SPOCK3: variants seen among roughly 807,000 people sequenced by gnomAD.
The protein encoded by SPOCK3 is SPARC (osteonectin), cwcv and kazal like domains proteoglycan 3.
In SPOCK3, 30 loss-of-function variants were observed where a neutral mutation model predicts 56.6. That is an observed-to-expected ratio of 0.53 (90% CI 0.40 to 0.72). SPOCK3 has a LOEUF of 0.72. Among genes scored for constraint, SPOCK3 ranks in the 30% least tolerant of loss-of-function variants. The pLI is 0.00. For synonymous variants in SPOCK3, 196 were observed against 183.3 expected (o/e 1.07, Z -0.56); for missense variants, 527 against 530.0 (o/e 0.99, Z 0.06).
chr4:166,999,162 C>T (rs1748697448), intron 4 of SPOCK3, among the ~76,000 whole-genome samples: 1 of 152,136 alleles, frequency 6.6e-6, no homozygotes, highest in Non-Finnish European at 1.5e-5. Context: ...CTTTCTCCTA[C>T]TCCCTCTCTC....
At chr4:166,893,755 T>C (rs971729015) in intron 5 of SPOCK3, among the ~76,000 whole-genome samples, 2 of 152,174 alleles carry the variant, frequency 1.3e-5, no homozygotes, top group African/African-American at 4.8e-5. Context: ...GAGTCACTTT[T>C]TTATTCCCCA....
chr4:167,122,232 T>C (rs1207106153), intron 2 of SPOCK3, among the ~76,000 whole-genome samples: 1 of 151,994 alleles, frequency 6.6e-6, no homozygotes, highest in African/African-American at 2.4e-5. Flanking sequence ...CACTGCAGCC[T>C]ACAGATTTGG....
rs566421569 is a variant in SPOCK3, at chr4:166,738,164, G to A, written c.995-560C>T. On this transcript the variant is annotated intron_variant, in intron 9 of 10. Transcript: ENST00000357545. The stretch of plus-strand genomic sequence containing the variant: ...TTCCACTTTAAGATTTGACATAAAT[G>A]TGACCCACAATTTAAAGTCTTCCTC... Among the ~76,000 whole-genome samples, 200 of 152,176 alleles carry A rather than the reference G, an allele frequency of 1.3e-3. 2 individuals are homozygous for A. The highest frequency in any genetic ancestry group is 2.5e-3 in the Non-Finnish European group (168 of 68,016).
chr4:167,229,712 C>T (rs1177197600), intron 2 of SPOCK3, among the ~76,000 whole-genome samples: 1 of 152,094 alleles, frequency 6.6e-6, no homozygotes, highest in Non-Finnish European at 1.5e-5. Context: ...TTGAGTGCCT[C>T]TGAGACATGT....
At chr4:166,830,035 C>A (rs1041474815) in intron 6 of SPOCK3, among the ~76,000 whole-genome samples, 2 of 152,088 alleles carry the variant, frequency 1.3e-5, no homozygotes, top group African/African-American at 4.8e-5. Flanking sequence ...CCTTTCTGAA[C>A]CAGCAATGTT....
chr4:167,225,638 T>C (rs1246254410), intron 2 of SPOCK3, among the ~76,000 whole-genome samples: 1 of 152,106 alleles, frequency 6.6e-6, no homozygotes, highest in Non-Finnish European at 1.5e-5. Flanking sequence ...CGTTTTTCTG[T>C]AGCAAGTATG....
At chr4:166,736,688 GAATT>G (rs1299851086) in intron 10 of SPOCK3, among the ~76,000 whole-genome samples, 3 of 151,634 alleles carry the variant, frequency 2.0e-5, no homozygotes, top group African/African-American at 7.3e-5. Flanking sequence ...GAAACACAAA[GAATT>G]AATTCCTGGT....
chr4:166,953,369 T>C (rs1742944094), intron 4 of SPOCK3, among the ~76,000 whole-genome samples: 1 of 151,832 alleles, frequency 6.6e-6, no homozygotes, highest in Admixed American at 6.6e-5. Flanking sequence ...GAAATGCAAA[T>C]CAAAACCACA....
intron 5 of SPOCK3, among the ~76,000 whole-genome samples, chr4:166,896,934 G>T (rs529878500): frequency 7.9e-5 from 12 of 152,088 alleles, no homozygotes; most frequent in Non-Finnish European, 7.4e-5. Context: ...CAACTGGGGG[G>T]CCCCTCTGAT....
At chr4:166,956,496 G>A (rs1743492549) in intron 4 of SPOCK3, among the ~76,000 whole-genome samples, 1 of 152,076 alleles carries the variant, frequency 6.6e-6, no homozygotes, top group South Asian at 2.1e-4. Flanking sequence ...CAAGAACTCT[G>A]GACAAAGGGA....
intron 2 of SPOCK3, among the ~76,000 whole-genome samples, chr4:167,228,983 G>C (rs1179656780): frequency 6.6e-6 from 1 of 152,062 alleles, no homozygotes; most frequent in South Asian, 2.1e-4. Context: ...GCAAAAGAAA[G>C]AGAGAAAAAC....
chr4:166,811,921 T>C (rs1743852068), intron 6 of SPOCK3, among the ~76,000 whole-genome samples: 1 of 151,878 alleles, frequency 6.6e-6, no homozygotes, highest in South Asian at 2.1e-4. Flanking sequence ...CTAGATTGGC[T>C]AATAAGGATG....
chr4:166,988,094 T>C (rs1044160650), intron 4 of SPOCK3, among the ~76,000 whole-genome samples: 1 of 152,150 alleles, frequency 6.6e-6, no homozygotes, highest in Admixed American at 6.6e-5. Context: ...AAGCAATAAT[T>C]GTTAGATCAA....
Position 167,073,685 on chromosome 4 carries a change from G to T in SPOCK3, c.190-11148C>A, listed in dbSNP as rs528937092. Among the ~76,000 whole-genome samples, 4 of 151,826 alleles carry T rather than the reference G, an allele frequency of 2.6e-5. No homozygotes were observed. In the South Asian group the frequency reaches 8.3e-4, roughly 32 times the overall value. On this transcript the variant is annotated intron_variant, in intron 2 of 10. Coordinates refer to ENST00000357545, the MANE Select transcript of SPOCK3 (RefSeq NM_001040159.2). ...AGCTGTTTTGTTCCCACTGAGTTTTGATTTTTGTTTTTAAGATGCTATTTT... is the reference window on the plus strand; with the variant it reads ...AGCTGTTTTGTTCCCACTGAGTTTTTATTTTTGTTTTTAAGATGCTATTTT...
At chr4:166,795,285 G>A (rs62355244) in intron 6 of SPOCK3, among the ~76,000 whole-genome samples, 4,295 of 151,880 alleles carry the variant, frequency 0.028, 58 homozygotes, top group Middle Eastern at 0.044. Context: ...CCAAAAAACC[G>A]TATATCAGTA....
intron 2 of SPOCK3, among the ~76,000 whole-genome samples, chr4:167,115,758 T>G (rs1761277575): frequency 6.6e-6 from 1 of 151,970 alleles, no homozygotes; most frequent in African/African-American, 2.4e-5. Flanking sequence ...TATTCTCAAC[T>G]CAAATTATGA....
At chr4:167,195,011 T>C (rs144408982) in intron 2 of SPOCK3, among the ~76,000 whole-genome samples, 23 of 152,170 alleles carry the variant, frequency 1.5e-4, no homozygotes, top group Non-Finnish European at 2.9e-5. Context: ...CCAGAGCTGA[T>C]ACTGAGGTCT....
intron 5 of SPOCK3, among the ~76,000 whole-genome samples, chr4:166,898,112 A>T (rs1249804656): frequency 6.6e-6 from 1 of 152,040 alleles, no homozygotes; most frequent in Non-Finnish European, 1.5e-5. Context: ...AGGCAGGAGG[A>T]TCACTGAGCC....
chr4:166,996,410 A>C (rs1388954968), intron 4 of SPOCK3, among the ~76,000 whole-genome samples: 1 of 152,186 alleles, frequency 6.6e-6, no homozygotes, highest in East Asian at 1.9e-4. Flanking sequence ...TCTTGTTCAC[A>C]ATATACAAAA....
Sources: allele counts gnomAD v4.1 joint callset (sites outside exome capture counted in the v4.1 genomes callset), GRCh38; gene constraint gnomAD v4.1.1; transcripts MANE v1.5; gene names NCBI Gene and HGNC (gene_info 2026-07-23, HGNC 2026-07-21).